The following SYNC variants were observed in gnomAD, a reference collection of about 807,000 sequenced individuals.
SYNC encodes syncoilin, intermediate filament protein.
In SYNC, 38 loss-of-function variants were observed where a neutral mutation model predicts 49.5. The observed-to-expected ratio is 0.77, with a 90% confidence interval of 0.59 to 1.01. The LOEUF (loss-of-function observed/expected upper bound fraction) is 1.01, where lower values mean the gene tolerates loss of function less well. Among genes scored for constraint, SYNC ranks in the 50% least tolerant of loss-of-function variants. The pLI is 0.00. For synonymous variants in SYNC, 201 were observed against 230.8 expected (o/e 0.87, Z 1.17); for missense variants, 579 against 580.6 (o/e 1.00, Z 0.03).
intron 2 of SYNC, among the ~76,000 whole-genome samples, chr1:32,693,186 G>A (rs1285444302): frequency 1.3e-5 from 2 of 151,398 alleles, no homozygotes; most frequent in Non-Finnish European, 2.9e-5. Flanking sequence ...GGGTTCAAGC[G>A]ATTCTCCTGC....
At chr1:32,699,153 C>CTTTTTTTTTTTTT (rs61577689) in intron 1 of SYNC, among the ~76,000 whole-genome samples, 38 of 103,982 alleles carry the variant, frequency 3.7e-4, no homozygotes, top group Non-Finnish European at 5.5e-4. Flanking sequence ...CTTTTCTTTT[C>CTTTTTTTTTTTTT]TTTTTTTTTT....
At chr1:32,700,803 G>A (rs1650636074) in intron 1 of SYNC, among the ~76,000 whole-genome samples, 1 of 152,214 alleles carries the variant, frequency 6.6e-6, no homozygotes, top group East Asian at 1.9e-4. Flanking sequence ...ACTGTTGTAA[G>A]TGGTGGAGGC....
Position 32,701,815 on chromosome 1 carries a change from G to A in SYNC, c.53+793C>T, listed in dbSNP as rs1429638945. Among the ~76,000 whole-genome samples the A allele has an allele frequency of 3.9e-5, 6 of 152,192 alleles. No homozygotes were observed. The East Asian group carries it at 1.2e-3, about 29-fold the overall frequency. ...CGCAGAGCTCTCCAACCCTGTTCAGGGATGTGGCTGGGAGTCCATGTGACA... is the reference window on the plus strand; with the variant it reads ...CGCAGAGCTCTCCAACCCTGTTCAGAGATGTGGCTGGGAGTCCATGTGACA... On this transcript the variant is annotated intron_variant, in intron 1 of 4. Transcript: ENST00000409190.
At position 32,684,280 on chromosome 1, in the gene SYNC, C is replaced by T. The variant is rs1416577001; in HGVS notation, c.1336G>A (p.Ala446Thr). The T allele has an allele frequency of 2.5e-6, 4 of 1,614,196 alleles. No homozygotes were observed. Among genetic ancestry groups the T allele is most frequent in the South Asian group, 2.2e-5 (2 of 91,088 alleles). ...KEMEQLRLSL[A>T]EELSTYKAML... The stretch of plus-strand genomic sequence containing the variant: ...GACTTATAAGTAGAGAGCTCTTCAG[C>T]AAGACTGAGCCTTAGCTGTTCCATC... The change falls in exon 3 of 5, where the codon GCT (alanine) becomes ACT (threonine). Residue 446 changes from alanine (A) to threonine (T), a missense_variant. Physicochemically the swap from Ala to Thr is moderately conservative, Grantham distance 58 (BLOSUM62 0). Transcript: ENST00000409190.
At chr1:32,682,054 T>G in intron 4 of SYNC, 194 bp from the exon 5 acceptor site, 5 of 558,808 alleles carry the variant, frequency 8.9e-6, no homozygotes, top group Non-Finnish European at 9.6e-6. Context: ...GTTAAACGTT[T>G]TCTCTGCTAG....
chr1:32,692,412 T>C (rs957673855), intron 2 of SYNC, among the ~76,000 whole-genome samples: 1 of 152,112 alleles, frequency 6.6e-6, no homozygotes, highest in African/African-American at 2.4e-5. Flanking sequence ...GTGAACCAAT[T>C]TTTTAAAAAA....
In SYNC at chr1:32,684,086, A is replaced by G. The variant is rs774569806; in HGVS notation, c.1362T>C (p.Ala454=). ...GTTCCAGGCTCTTGGGTAGTAGCAT[A>G]GCCCTTTAAAAAGAGAGAGCCATTT... ...SLAEELSTYK[A]MLLPKSLEQA... Residue 454 remains alanine, a synonymous_variant, in exon 4 of 5, where the codon GCT becomes GCC. Coordinates refer to ENST00000409190, the MANE Select transcript of SYNC (RefSeq NM_030786.3). 11 of 1,610,534 alleles carry G rather than the reference A, an allele frequency of 6.8e-6. No individual in the cohort carries two copies. In the Admixed American group the frequency reaches 1.7e-4, roughly 25 times the overall value.
chr1:32,687,093 C>T (rs1022053063), intron 2 of SYNC, among the ~76,000 whole-genome samples: 24 of 152,078 alleles, frequency 1.6e-4, no homozygotes, highest in African/African-American at 5.8e-4. Flanking sequence ...GGCACAGTGG[C>T]TCATGCCTGT....
intron 1 of SYNC, among the ~76,000 whole-genome samples, chr1:32,700,139 G>A (rs947742946): frequency 2.6e-5 from 4 of 151,958 alleles, no homozygotes; most frequent in East Asian, 1.9e-4. Flanking sequence ...CTAAGCCCAC[G>A]GTGTCCAGCT....
chr1:32,698,980 A>G (rs904860140), intron 1 of SYNC, among the ~76,000 whole-genome samples: 6 of 151,250 alleles, frequency 4.0e-5, no homozygotes, highest in Non-Finnish European at 7.4e-5. Flanking sequence ...AAGTCTCACT[A>G]TGTTGCTCAG....
At chr1:32,686,173 AAT>A (rs1298772840) in intron 2 of SYNC, 20 of 152,254 alleles carry the variant, frequency 1.3e-4, no homozygotes, top group African/African-American at 4.8e-4. Flanking sequence ...TACATGTTGA[AAT>A]ATATGTGTTG....
intron 2 of SYNC, among the ~76,000 whole-genome samples, chr1:32,687,841 T>TTAG: frequency 3.7e-5 from 1 of 27,190 alleles, no homozygotes; most frequent in Admixed American, 6.8e-4. Flanking sequence ...TGAATTATTA[T>TTAG]TATTATTATT....
chr1:32,690,039 C>T (rs1316562372), intron 2 of SYNC, among the ~76,000 whole-genome samples: 1 of 151,966 alleles, frequency 6.6e-6, no homozygotes, highest in Non-Finnish European at 1.5e-5. Flanking sequence ...GACCTTGCTT[C>T]CTACTTTAAT....
intron 1 of SYNC, among the ~76,000 whole-genome samples, chr1:32,697,599 T>C (rs533376916): frequency 6.1e-4 from 93 of 151,782 alleles, no homozygotes; most frequent in Admixed American, 2.7e-3. Flanking sequence ...TAGCTGGGCA[T>C]GATGGTGTAC....
chr1:32,689,856 G>A (rs989673062), intron 2 of SYNC, among the ~76,000 whole-genome samples: 2 of 149,796 alleles, frequency 1.3e-5, no homozygotes, highest in Non-Finnish European at 3.0e-5. Flanking sequence ...CAGGAGAATC[G>A]CTTGAACCCG....
chr1:32,686,869 C>T (rs914140072), intron 2 of SYNC, among the ~76,000 whole-genome samples: 1 of 152,170 alleles, frequency 6.6e-6, no homozygotes, highest in Non-Finnish European at 1.5e-5. Flanking sequence ...CTCAAGGTAA[C>T]AGGCTTTTTA....
At position 32,694,856 on chromosome 1, in the gene SYNC, T is replaced by G; in HGVS notation, c.1233+9A>C. 6.4e-7 allele frequency: 1 copy of G among 1,554,716 alleles called. No individual in the cohort carries two copies. Among genetic ancestry groups the G allele is most frequent in the Non-Finnish European group, 8.7e-7 (1 of 1,153,636 alleles). ...AGACCTCAGTTCTTTTCATGCCCAA[T>G]GGGCCTACCCTGTACTGCTGCACCT... On this transcript the variant is annotated intron_variant, in intron 2 of 4. Transcript: ENST00000409190.
upstream of SYNC, chr1:32,702,793 C>T: frequency 1.3e-6 from 1 of 764,972 alleles, no homozygotes; most frequent in East Asian, 1.1e-4. This position sits in a 1 kb window ranked among gnomAD's most constrained non-coding sequence, Gnocchi z 6.2. Flanking sequence ...GCCGGGCGCG[C>T]CCACTTGGCC....
intron 1 of SYNC, among the ~76,000 whole-genome samples, chr1:32,698,478 C>T (rs2148563236): frequency 6.6e-6 from 1 of 152,154 alleles, no homozygotes; most frequent in South Asian, 2.1e-4. Flanking sequence ...CAGATTGCGC[C>T]ACCGCACTCC....
Sources: allele counts gnomAD v4.1 joint callset (sites outside exome capture counted in the v4.1 genomes callset), GRCh38; gene constraint gnomAD v4.1.1; non-coding constraint Gnocchi (gnomAD v3.1); transcripts MANE v1.5; gene names NCBI Gene and HGNC (gene_info 2026-07-23, HGNC 2026-07-21).